The following SLC12A5 variants were observed in gnomAD, a reference collection of about 807,000 sequenced individuals.
The protein encoded by SLC12A5 is solute carrier family 12 member 5.
In SLC12A5, 18 loss-of-function variants were observed where a neutral mutation model predicts 124.0. The observed-to-expected ratio is 0.15, with a 90% confidence interval of 0.10 to 0.22. The LOEUF is 0.22. Among genes scored for constraint, SLC12A5 ranks in the 10% least tolerant of loss-of-function variants. The pLI, the probability that SLC12A5 is intolerant of heterozygous loss-of-function variation, is 1.00. For missense variants in SLC12A5, 867 were observed against 1,478.7 expected (o/e 0.59, Z 6.78); for synonymous variants, 589 against 568.0 (o/e 1.04, Z -0.53).
At chr20:46,037,221 C>A (rs779247012) in intron 5 of SLC12A5, 34 bp from the exon 6 acceptor site, 11 of 1,567,884 alleles carry the variant, frequency 7.0e-6, no homozygotes, top group Non-Finnish European at 9.5e-6. Context: ...CCAGTGCCCC[C>A]GACCCTCTCG....
intron 8 of SLC12A5, among the ~76,000 whole-genome samples, chr20:46,042,873 C>T (rs2084560331): frequency 1.3e-5 from 2 of 151,904 alleles, no homozygotes; most frequent in South Asian, 4.2e-4. Context: ...TGGGACACAT[C>T]GACTCAATCT....
chr20:46,046,892 G>A (rs2084600599), intron 14 of SLC12A5, among the ~76,000 whole-genome samples: 1 of 152,246 alleles, frequency 6.6e-6, no homozygotes, highest in African/African-American at 2.4e-5. Context: ...ATTGCACAGA[G>A]GCTGTAGTTC....
In SLC12A5 at chr20:46,058,121, T is replaced by G; in HGVS notation, c.*516T>G. 1 of 184,040 alleles carries G rather than the reference T, an allele frequency of 5.4e-6. No homozygotes were observed. The highest frequency in any genetic ancestry group is 1.1e-5 in the Non-Finnish European group (1 of 89,910). The allele number at this position is 184,040 out of a possible 1,614,324, so 11.4% of individuals were successfully genotyped here. A position where few individuals can be genotyped will look rare whatever the true frequency, so the allele number is the denominator to read the frequency against. On this transcript the variant is annotated 3_prime_UTR_variant, in exon 26 of 26. Coordinates refer to ENST00000243964, the MANE Select transcript of SLC12A5 (RefSeq NM_020708.5). This position sits in a 1 kb window ranked among gnomAD's most constrained non-coding sequence, Gnocchi z 5.8. ...GGGCGCGGGCGGCCGAGCCTATACA[T>G]AGTGTACAGGAGACATCGCGTGTAT...
chr20:46,024,910 G>A (rs6094239), upstream of SLC12A5, among the ~76,000 whole-genome samples: 136,528 of 152,174 alleles, frequency 0.9, 61,706 homozygotes, highest in Non-Finnish European at 0.95. Flanking sequence ...TTTCTCAGGG[G>A]GGAGTCAGGG....
chr20:46,041,592 G>A (rs770790196), intron 8 of SLC12A5, 52 bp downstream of exon 8: 9 of 1,596,190 alleles, frequency 5.6e-6, no homozygotes, highest in Non-Finnish European at 6.8e-6. Flanking sequence ...GGGATTGTAG[G>A]TTAAGCGGTC....
chr20:46,054,815 GCCTTCC>G, intron 20 of SLC12A5, 95 bp from the exon 21 acceptor site: 1 of 773,070 alleles, frequency 1.3e-6, no homozygotes, highest in Non-Finnish European at 2.2e-6. Context: ...AAGGACGGGG[GCCTTCC>G]TTCCTTCCCT....
At chr20:46,028,839 C>G (rs1213643415), upstream of SLC12A5, among the ~76,000 whole-genome samples, 1 of 152,190 alleles carries the variant, frequency 6.6e-6, no homozygotes, top group Admixed American at 6.5e-5. Context: ...GCGGGGCCGC[C>G]TCCCCGCGGC....
At chr20:46,044,874 GCA>G in intron 11 of SLC12A5, 90 bp from the exon 12 acceptor site, 14 of 1,418,108 alleles carry the variant, frequency 9.9e-6, no homozygotes, top group Non-Finnish European at 1.4e-5. Flanking sequence ...CCTGTGGCAG[GCA>G]CACAGTTGGT....
At position 46,059,561 on chromosome 20, in the gene SLC12A5, A is replaced by G; in HGVS notation, c.*1956A>G. The G allele has an allele frequency of 2.5e-6, 1 of 399,100 alleles. No homozygotes were observed. Among genetic ancestry groups the G allele is most frequent in the Non-Finnish European group, 4.4e-6 (1 of 226,078 alleles). 24.7% of individuals were successfully genotyped at this position (399,100 alleles called of 1,614,324 possible). A position where few individuals can be genotyped will look rare whatever the true frequency, so the allele number is the denominator to read the frequency against. ...CTGTGCAGAAGGGGGCTGTATCAAC[A>G]TCAATTAGGGAACCAAAGTTGCACT... On this transcript the variant is annotated 3_prime_UTR_variant, in exon 26 of 26. Coordinates refer to ENST00000243964, the MANE Select transcript of SLC12A5 (RefSeq NM_020708.5).
chr20:46,028,015 A>G (rs2084414067), upstream of SLC12A5, among the ~76,000 whole-genome samples: 1 of 152,146 alleles, frequency 6.6e-6, no homozygotes, highest in Admixed American at 6.5e-5. Flanking sequence ...AGATGTTTAG[A>G]TCTTCTAGAG....
intron 1 of SLC12A5, chr20:46,022,605 T>G: frequency 2.6e-6 from 1 of 378,064 alleles, no homozygotes. Flanking sequence ...GGCAGCGAGA[T>G]TCAGGGAGGA....
chr20:46,056,761 C>A lies in SLC12A5; in HGVS notation c.3111-136C>A. ...TCTCAGAATTCCCAGTTGCAGGCAGCGGAAAGGTGAAGGGTGTGGGGGCTG... is the reference window on the plus strand; with the variant it reads ...TCTCAGAATTCCCAGTTGCAGGCAGAGGAAAGGTGAAGGGTGTGGGGGCTG... On this transcript the variant is annotated intron_variant, in intron 23 of 25. Transcript: ENST00000243964. The surrounding 1 kb of genome is among the most constrained non-coding windows in gnomAD (Gnocchi z 4.3). 1 of 1,172,738 alleles carries A rather than the reference C, an allele frequency of 8.5e-7. No homozygotes were observed. 72.6% of individuals were successfully genotyped at this position (1,172,738 alleles called of 1,614,324 possible). A position where few individuals can be genotyped will look rare whatever the true frequency, so the allele number is the denominator to read the frequency against.
rs113570388 is a variant in SLC12A5, at chr20:46,058,643, C to A, written c.*1038C>A. 2.5e-3 allele frequency: 980 copies of A among 399,050 alleles called. 11 individuals are homozygous for A. The highest frequency in any genetic ancestry group is 0.019 in the African/African-American group (919 of 48,742). The allele number at this position is 399,050 out of a possible 1,614,324, so 24.7% of individuals were successfully genotyped here. A position where few individuals can be genotyped will look rare whatever the true frequency, so the allele number is the denominator to read the frequency against. ...AGGCGTCTCTCCTCAGTCGGCTTGT[C>A]GCCTGCTCCCCGTATCCCATGGCTC... On this transcript the variant is annotated 3_prime_UTR_variant, in exon 26 of 26. Coordinates refer to ENST00000243964, the MANE Select transcript of SLC12A5 (RefSeq NM_020708.5). The surrounding 1 kb of genome is among the most constrained non-coding windows in gnomAD (Gnocchi z 5.8).
chr20:46,047,420 G>T, intron 14 of SLC12A5, 34 bp from the exon 15 acceptor site: 1 of 1,608,422 alleles, frequency 6.2e-7, no homozygotes, highest in Non-Finnish European at 8.5e-7. Flanking sequence ...AGCCCTGCTG[G>T]GGCTCAGAGG....
chr20:46,047,334 C>G lies in SLC12A5; in HGVS notation c.1788-120C>G, dbSNP rs575275414. ...GATGATGGTGTGAGTTCCCCTAGACCGGGCTGTCACCTCCCAGGTCTTGCC... is the reference window on the plus strand; with the variant it reads ...GATGATGGTGTGAGTTCCCCTAGACGGGGCTGTCACCTCCCAGGTCTTGCC... On this transcript the variant is annotated intron_variant, in intron 14 of 25. Coordinates refer to ENST00000243964, the MANE Select transcript of SLC12A5 (RefSeq NM_020708.5). 4 of 1,338,734 alleles carry G rather than the reference C, an allele frequency of 3.0e-6. No homozygotes were observed. The Admixed American group carries it at 6.5e-5, about 22-fold the overall frequency. 82.9% of individuals were successfully genotyped at this position (1,338,734 alleles called of 1,614,324 possible). A position where few individuals can be genotyped will look rare whatever the true frequency, so the allele number is the denominator to read the frequency against.
chr20:46,050,434 T>C (rs1483540779), intron 17 of SLC12A5, among the ~76,000 whole-genome samples: 1 of 152,154 alleles, frequency 6.6e-6, no homozygotes, highest in Non-Finnish European at 1.5e-5. Flanking sequence ...AAAGAGGTGA[T>C]TGGATCCCAA....
In SLC12A5 at chr20:46,045,282, A is replaced by T; in HGVS notation, c.1569+142A>T. The T allele has an allele frequency of 1.9e-6, 2 of 1,032,478 alleles. No individual in the cohort carries two copies. The highest frequency in any genetic ancestry group is 2.7e-6 in the Non-Finnish European group (2 of 745,256). 64.0% of individuals were successfully genotyped at this position (1,032,478 alleles called of 1,614,324 possible). On this transcript the variant is annotated intron_variant, in intron 12 of 25. Coordinates refer to ENST00000243964, the MANE Select transcript of SLC12A5 (RefSeq NM_020708.5). The surrounding 1 kb of genome is among the most constrained non-coding windows in gnomAD (Gnocchi z 4.9). ...GCTCTGTACTGCACTGGCCAGGCCT[A>T]TCTGGCAGGGTCTGAGGCACAGGGA...
chr20:46,035,002 A>C lies in SLC12A5; in HGVS notation c.107A>C (p.Lys36Thr), dbSNP rs1237589662. ...SPFINSTDTE[K>T]GKEYDGKNMA... Reference sequence around the variant, plus strand: ...TTCATCAACAGCACCGACACAGAGAAGGGAAAGGAGTATGATGGCAAGAAC... The same window carrying C: ...TTCATCAACAGCACCGACACAGAGACGGGAAAGGAGTATGATGGCAAGAAC... Residue 36 changes from lysine to threonine, a missense_variant, in exon 2 of 26, where the codon AAG becomes ACG. Physicochemically the swap from Lys to Thr is moderately conservative, Grantham distance 78. Around this residue, in one of 9 missense-constraint regions of SLC12A5, gnomAD observed 58 missense variants for 52.2 expected, o/e 1.11. Coordinates refer to ENST00000243964, the MANE Select transcript of SLC12A5 (RefSeq NM_020708.5). The C allele has an allele frequency of 3.1e-6, 5 of 1,614,016 alleles. No individual in the cohort carries two copies. The highest frequency in any genetic ancestry group is 4.2e-6 in the Non-Finnish European group (5 of 1,179,966).
rs1483499586 is a variant in SLC12A5 at position 46,055,034 on chromosome 20, C to T, written c.2787+11C>T. ...GAGCGGGAGCGGGAGGTGAGGTTGC[C>T]CTGGCTGGCCCCTGAGAGCCTCAAA... On this transcript the variant is annotated intron_variant, in intron 21 of 25. Transcript: ENST00000243964. 2 of 1,608,822 alleles carry T rather than the reference C, an allele frequency of 1.2e-6. No individual in the cohort carries two copies. The highest frequency in any genetic ancestry group is 2.2e-5 in the East Asian group (1 of 44,852).
Sources: gnomAD v4.1 joint callset for allele counts (sites outside exome capture counted in the v4.1 genomes callset) on GRCh38, gnomAD v4.1.1 for gene constraint, gnomAD v4.1.1 regional missense constraint, Gnocchi (gnomAD v3.1) non-coding constraint, MANE v1.5 for transcripts, NCBI Gene and HGNC (gene_info 2026-07-23, HGNC 2026-07-21) for gene names.